Variants in HMSD observed in about 807,000 individuals in gnomAD.
HMSD encodes histocompatibility minor serpin domain containing.
HMSD carries 13 observed loss-of-function variants against 10.0 expected under a neutral mutation model. That is an observed-to-expected ratio of 1.31 (90% CI 0.85 to 2.08). The LOEUF (loss-of-function observed/expected upper bound fraction) is 2.08. Ranked by LOEUF, HMSD falls within the 30% of genes most tolerant of loss-of-function variation. The pLI is 0.00. For synonymous variants in HMSD, 51 were observed against 54.2 expected, an observed-to-expected ratio of 0.94 and a Z score of 0.26; for missense variants, 169 against 166.3, an observed-to-expected ratio of 1.02 and a Z score of -0.09.
In HMSD at chr18:63,950,394, G is replaced by C. The variant is rs149666082; in HGVS notation, c.-103+994G>C. Among the ~76,000 whole-genome samples the C allele has an allele frequency of 8.4e-3, 1,047 of 123,960 alleles. 21 individuals carry two copies. Among genetic ancestry groups the C allele is most frequent in the African/African-American group, 0.034 (992 of 29,524 alleles). 81.3% of individuals were successfully genotyped at this position (123,960 alleles called of 152,430 possible). ...TTGCACCACTGCACTCCAGCCTGAG[G>C]GACAAAGCGAGACTCTCTCTCAAAA... On this transcript the variant is annotated intron_variant, in intron 1 of 3. Transcript: ENST00000408945.
At position 63,949,624 on chromosome 18, in the gene HMSD, C is replaced by A. The variant is rs551308809; in HGVS notation, c.-103+224C>A. ...CACTTGGCTGTGTGCCCTATGGGTC[C>A]AGGCGCGGGGAGGGGAGGCCAGGGC... On this transcript the variant is annotated intron_variant, in intron 1 of 3. Transcript: ENST00000408945. Among the ~76,000 whole-genome samples the A allele has an allele frequency of 5.0e-3, 759 of 152,250 alleles. 3 individuals are homozygous for A. The highest frequency in any genetic ancestry group is 7.9e-3 in the Non-Finnish European group (538 of 68,008).
At chr18:63,954,772 A>G (rs1302524222) in intron 3 of HMSD, among the ~76,000 whole-genome samples, 3 of 152,270 alleles carry the variant, frequency 2.0e-5, no homozygotes, top group Non-Finnish European at 4.4e-5. Flanking sequence ...GATAATCTTC[A>G]TAAAAGAACT....
chr18:63,963,107 T>TTTCTTTCTCTTTCTCTTTCTTTCTTTCTA (rs1415052567), downstream of HMSD, among the ~76,000 whole-genome samples: 1 of 134,250 alleles, frequency 7.4e-6, no homozygotes, highest in Admixed American at 7.1e-5. Flanking sequence ...CTTTCTTTCT[T>TTTCTTTCTCTTTCTCTTTCTTTCTTTCTA]TCTTTCTTTC....
chr18:63,960,051 T>A (rs1464051160), intron 3 of HMSD, 107 bp from the exon 4 acceptor site: 7 of 1,114,832 alleles, frequency 6.3e-6, no homozygotes, highest in Non-Finnish European at 9.0e-6. Flanking sequence ...AAATTATATA[T>A]GGTAAATCAT....
At chr18:63,955,728 C>T (rs572354972) in intron 3 of HMSD, among the ~76,000 whole-genome samples, 4 of 152,124 alleles carry the variant, frequency 2.6e-5, no homozygotes, top group South Asian at 2.1e-4. Flanking sequence ...CCCTGAAAGC[C>T]GATCATCTGA....
At position 63,960,210 on chromosome 18, in the gene HMSD, A is replaced by G. The variant is rs1424123627; in HGVS notation, c.275A>G (p.Asp92Gly). The change falls in exon 4 of 4, where the codon GAC becomes GGC. Residue 92 changes from aspartate to glycine, a missense_variant. Coordinates refer to ENST00000408945, the MANE Select transcript of HMSD (RefSeq NM_001123366.2). The part of the protein sequence containing the change: ...KFYQATIKQL[D>G]FVNDTEKSTT... ...TACCAAGCAACGATAAAACAGCTAGACTTTGTGAATGATACAGAGAAGTCC... is the reference window on the plus strand; with the variant it reads ...TACCAAGCAACGATAAAACAGCTAGGCTTTGTGAATGATACAGAGAAGTCC... 3 of 1,613,228 alleles carry G rather than the reference A, an allele frequency of 1.9e-6. No homozygotes were observed. The highest frequency in any genetic ancestry group is 2.5e-6 in the Non-Finnish European group (3 of 1,179,782).
chr18:63,954,703 T>C (rs1433958058), intron 3 of HMSD, 146 bp downstream of exon 3: 8 of 660,396 alleles, frequency 1.2e-5, no homozygotes, highest in Non-Finnish European at 2.1e-5. Context: ...TTCAGTTTGA[T>C]CATCTGTAGC....
chr18:63,968,048 C>T (rs2050417943), intron 3 of HMSD: 1 of 152,204 alleles, frequency 6.6e-6, no homozygotes. Context: ...TTTGTTCATT[C>T]TTGGATTCAT....
intron 1 of HMSD, among the ~76,000 whole-genome samples, chr18:63,952,285 T>TAA (rs148172930): frequency 0.018 from 2,705 of 148,324 alleles, 89 homozygotes; most frequent in African/African-American, 0.065. Context: ...TAAAGTATAA[T>TAA]AATAAAAAAA....
In HMSD at chr18:63,961,208, T is replaced by C. The variant is rs1156684781; in HGVS notation, c.*853T>C. 4.2e-5 allele frequency: 5 copies of C among 117,810 alleles called. No homozygotes were observed. The highest frequency in any genetic ancestry group is 1.7e-4 in the African/African-American group (4 of 23,780). The allele number at this position is 117,810 out of a possible 1,614,324, so 7.3% of individuals were successfully genotyped here. On this transcript the variant is annotated 3_prime_UTR_variant, in exon 4 of 4. Coordinates refer to ENST00000408945, the MANE Select transcript of HMSD (RefSeq NM_001123366.2). ...ATCCAAGCAGGAGGGTGTTTTTTTT[T>C]TTTCTTTCCTGGAATGAGGATAATC...
chr18:63,954,763 A>C (rs569562630), intron 3 of HMSD, among the ~76,000 whole-genome samples: 1 of 152,378 alleles, frequency 6.6e-6, no homozygotes, highest in East Asian at 1.9e-4. Context: ...CTTTAATGAG[A>C]TAATCTTCAT....
chr18:63,963,103 TTCTTTCTTTCTTTCTTTC>T (rs1234905910), downstream of HMSD, among the ~76,000 whole-genome samples: 1 of 134,998 alleles, frequency 7.4e-6, no homozygotes, highest in Non-Finnish European at 1.6e-5. Flanking sequence ...CTTTCTTTCT[TTCTTTCTTTCTTTCTTTC>T]TTTCTTTCTT....
chr18:63,952,418 A>T (rs968276889), intron 1 of HMSD, among the ~76,000 whole-genome samples: 1 of 152,212 alleles, frequency 6.6e-6, no homozygotes, highest in Non-Finnish European at 1.5e-5. Flanking sequence ...ATAGCAAAGG[A>T]TATAAATAAA....
At chr18:63,953,240 C>T in intron 1 of HMSD, 114 bp from the exon 2 acceptor site, 1 of 481,532 alleles carries the variant, frequency 2.1e-6, no homozygotes, top group Non-Finnish European at 3.8e-6. Flanking sequence ...TGTGTGTGTA[C>T]CTATTTGTTC....
chr18:63,950,749 A>T (rs751197031), intron 1 of HMSD, among the ~76,000 whole-genome samples: 1 of 152,202 alleles, frequency 6.6e-6, no homozygotes, highest in African/African-American at 2.4e-5. Context: ...GTCTTTGCAA[A>T]ATCCCAATGT....
intron 1 of HMSD, 66 bp from the exon 2 acceptor site, chr18:63,953,288 A>G (rs1192223995): frequency 1.2e-5 from 7 of 568,838 alleles, no homozygotes; most frequent in Non-Finnish European, 2.2e-5. Flanking sequence ...TAATAAATAG[A>G]GTGAAAAGTA....
downstream of HMSD, among the ~76,000 whole-genome samples, chr18:63,962,209 T>C (rs2050390064): frequency 6.6e-6 from 1 of 152,250 alleles, no homozygotes; most frequent in Non-Finnish European, 1.5e-5. Context: ...TTAAGTAGCT[T>C]GAACAAGTTC....
chr18:63,954,066 G>A (rs1233747814), intron 2 of HMSD, among the ~76,000 whole-genome samples: 1 of 152,226 alleles, frequency 6.6e-6, no homozygotes, highest in Non-Finnish European at 1.5e-5. Flanking sequence ...TGTATGCAGA[G>A]ACAGGACACA....
Position 63,960,338 on chromosome 18 carries a change from C to A in HMSD, c.403C>A (p.Gln135Lys). The A allele has an allele frequency of 6.3e-7, 1 of 1,582,058 alleles. No homozygotes were observed. The highest frequency in any genetic ancestry group is 8.6e-7 in the Non-Finnish European group (1 of 1,165,322). Residue 135 changes from glutamine (Q) to lysine (K), a missense_variant, in exon 4 of 4, where the codon CAA (glutamine) becomes AAA (lysine). Coordinates refer to ENST00000408945, the MANE Select transcript of HMSD (RefSeq NM_001123366.2). ...AAACAGTTTTATAGTCAGTTCTTTA[C>A]AAAACTGTCAAATATAAAAAGGAGT... ...ILNSFIVSSL[Q>K]NCQI
Sources: gnomAD v4.1 joint callset for allele counts (sites outside exome capture counted in the v4.1 genomes callset) on GRCh38, gnomAD v4.1.1 for gene constraint, MANE v1.5 for transcripts, NCBI Gene and HGNC (gene_info 2026-07-23, HGNC 2026-07-21) for gene names.